RNF17: variants seen among roughly 807,000 people sequenced by gnomAD.
RNF17 encodes the protein ring finger protein 17.
Under a neutral mutation model 200.5 loss-of-function variants are expected in RNF17, and 31 were observed. That is an observed-to-expected ratio of 0.15 (90% CI 0.12 to 0.21). The LOEUF (loss-of-function observed/expected upper bound fraction) is 0.21. Ranked by LOEUF, RNF17 falls within the 10% of genes least tolerant of loss-of-function variation. RNF17 has a pLI of 1.00. For missense variants in RNF17, 1,628 were observed against 1,905.1 expected, an observed-to-expected ratio of 0.85 and a Z score of 2.71; for synonymous variants, 606 against 637.8, an observed-to-expected ratio of 0.95 and a Z score of 0.75.
At chr13:24,757,187 TA>T in the RNF17 span, among the ~76,000 whole-genome samples, 1 of 79,688 alleles carries the variant, frequency 1.3e-5, no homozygotes, top group Admixed American at 1.3e-4. Flanking sequence ...AAAAAGGAAG[TA>T]AAAGAGATAC....
chr13:24,793,213 A>T lies in RNF17; in HGVS notation c.1107A>T (p.Val369=). Residue 369 remains valine (V), a synonymous_variant, in exon 10 of 36, where the codon GTA becomes GTT. Coordinates refer to ENST00000255324, the MANE Select transcript of RNF17 (RefSeq NM_031277.3). ...PPPLQPETND[V]HLEAKNFQPQ... Reference sequence around the variant, plus strand: ...CTTTGCAACCTGAGACAAATGATGTACATTTAGAAGCAAAAAACTTCCAGC... The same window carrying T: ...CTTTGCAACCTGAGACAAATGATGTTCATTTAGAAGCAAAAAACTTCCAGC... 1 of 1,614,126 alleles carries T rather than the reference A, an allele frequency of 6.2e-7. No homozygotes were observed. Among genetic ancestry groups the T allele is most frequent in the Non-Finnish European group, 8.5e-7 (1 of 1,179,970 alleles).
intron 33 of RNF17, among the ~76,000 whole-genome samples, chr13:24,874,931 A>C (rs7323957): frequency 1.3e-5 from 2 of 152,122 alleles, no homozygotes; most frequent in African/African-American, 4.8e-5. Flanking sequence ...CATATAAGTA[A>C]ATTCATACAG....
chr13:24,755,004 TTAG>T, the RNF17 span, among the ~76,000 whole-genome samples: 1 of 152,150 alleles, frequency 6.6e-6, no homozygotes, highest in Non-Finnish European at 1.5e-5. Context: ...TACATATAAT[TTAG>T]TAGTATGCTG....
intron 10 of RNF17, among the ~76,000 whole-genome samples, chr13:24,793,563 A>C (rs1270601005): frequency 2.6e-5 from 4 of 152,168 alleles, no homozygotes; most frequent in African/African-American, 9.7e-5. Flanking sequence ...CTAACCTCTG[A>C]GGTATAAATT....
At chr13:24,770,395 A>C (rs1404817995) in intron 2 of RNF17, among the ~76,000 whole-genome samples, 1 of 152,170 alleles carries the variant, frequency 6.6e-6, no homozygotes, top group African/African-American at 2.4e-5. Context: ...TGCAGTTTTT[A>C]CTTAAAATCT....
chr13:24,832,230 CT>C (rs1453885245), intron 18 of RNF17, among the ~76,000 whole-genome samples: 1 of 152,134 alleles, frequency 6.6e-6, no homozygotes, highest in African/African-American at 2.4e-5. Flanking sequence ...GAATTAGCTT[CT>C]TTTATTTGTT....
chr13:24,759,714 G>A, upstream of RNF17, among the ~76,000 whole-genome samples: 1 of 152,124 alleles, frequency 6.6e-6, no homozygotes, highest in Non-Finnish European at 1.5e-5. Flanking sequence ...AAGAAAAAAA[G>A]GAAGGGAGTG....
chr13:24,864,717 C>G (rs1893446798), intron 28 of RNF17, among the ~76,000 whole-genome samples, 156 bp from the exon 29 acceptor site: 1 of 152,078 alleles, frequency 6.6e-6, no homozygotes. Context: ...TATAGCGCGT[C>G]AAAATACCAG....
rs1318320302 is a variant in RNF17 at position 24,793,066 on chromosome 13, T to C, written c.960T>C (p.Ile320=). 6.3e-7 allele frequency: 1 copy of C among 1,583,380 alleles called. No individual in the cohort carries two copies. Among genetic ancestry groups the C allele is most frequent in the Non-Finnish European group, 8.6e-7 (1 of 1,164,508 alleles). ...STKCYPQENE[I]RQNVQKKYNN... ...GATGTTATCCCCAAGAAAATGAAAT[T>C]AGACAGAATGTTCAAAAGAAATATA... The change falls in exon 10 of 36, where the codon ATT becomes ATC. Residue 320 remains isoleucine, a synonymous_variant. Coordinates refer to ENST00000255324, the MANE Select transcript of RNF17 (RefSeq NM_031277.3).
downstream of RNF17, chr13:24,882,412 A>C (rs1953888297): frequency 6.6e-6 from 1 of 152,036 alleles, no homozygotes; most frequent in Admixed American, 6.6e-5. Context: ...TTATTATATA[A>C]ATTTACAAGT....
chr13:24,857,020 T>C (rs1892587906), intron 25 of RNF17, among the ~76,000 whole-genome samples: 1 of 152,144 alleles, frequency 6.6e-6, no homozygotes, highest in Non-Finnish European at 1.5e-5. Flanking sequence ...TTTGGAAATA[T>C]AGATAGATAT....
chr13:24,796,858 A>G (rs774502609), intron 11 of RNF17, among the ~76,000 whole-genome samples: 3 of 152,080 alleles, frequency 2.0e-5, no homozygotes, highest in Admixed American at 6.6e-5. Context: ...TGAGGAAGCT[A>G]TGATTCATTT....
At chr13:24,884,507 C>A (rs374444363), downstream of RNF17, 31 of 1,601,242 alleles carry the variant, frequency 1.9e-5, no homozygotes, top group Non-Finnish European at 2.5e-5. Context: ...TTTCTCCTGA[C>A]GAAAGTATGG....
At chr13:24,884,243 G>C (rs145882096), downstream of RNF17, 66 of 1,613,992 alleles carry the variant, frequency 4.1e-5, no homozygotes, top group African/African-American at 6.8e-4. Flanking sequence ...CATAGTAGTA[G>C]ATCTGTAAAG....
chr13:24,764,714 A>C (rs1300863955), intron 1 of RNF17, among the ~76,000 whole-genome samples: 2 of 152,182 alleles, frequency 1.3e-5, no homozygotes, highest in African/African-American at 2.4e-5. Flanking sequence ...TTTCTCCTGT[A>C]GTTTTTGTTG....
In RNF17 at chr13:24,796,165, T is replaced by C. The variant is rs1176764567; in HGVS notation, c.1269T>C (p.His423=). ...CTGCAGAGCTAGTTTTTGTAAGCCA[T>C]GTAATAGATCCTTGCCATTTCTACA... ...ESSAELVFVS[H]VIDPCHFYIR... is the part of the protein sequence containing the mutation. The change falls in exon 11 of 36, where the codon CAT becomes CAC. Residue 423 remains histidine, a synonymous_variant. Coordinates refer to ENST00000255324, the MANE Select transcript of RNF17 (RefSeq NM_031277.3). 1.9e-6 allele frequency: 3 copies of C among 1,611,456 alleles called. No individual in the cohort carries two copies. Among genetic ancestry groups the C allele is most frequent in the Admixed American group, 1.7e-5 (1 of 59,738 alleles).
rs753115977 is a variant in RNF17 at position 24,799,385 on chromosome 13, CATT to C, written c.1400-6_1400-4del. On this transcript the variant is annotated splice_polypyrimidine_tract_variant and splice_region_variant and intron_variant, in intron 11 of 35. Transcript: ENST00000255324. Reference sequence around the variant, plus strand: ...AATGTTTATAACGATTTGTTTCCCTCATTATTTAGGTGCAAGAATATTTGTCAG... The same window carrying C: ...AATGTTTATAACGATTTGTTTCCCTCATTTAGGTGCAAGAATATTTGTCAG... 3.8e-6 allele frequency: 6 copies of C among 1,590,920 alleles called. No homozygotes were observed. The highest frequency in any genetic ancestry group is 4.5e-5 in the East Asian group (2 of 44,648).
At chr13:24,881,154 A>AT (rs879442670), downstream of RNF17, among the ~76,000 whole-genome samples, 213 of 143,184 alleles carry the variant, frequency 1.5e-3, no homozygotes, top group South Asian at 0.011. Context: ...ATTTATCAAC[A>AT]TTTTTTTTTT....
At chr13:24,830,849 T>C (rs1889308496) in intron 17 of RNF17, among the ~76,000 whole-genome samples, 1 of 152,218 alleles carries the variant, frequency 6.6e-6, no homozygotes, top group Non-Finnish European at 1.5e-5. Context: ...ATATATCATT[T>C]TGAGATCATA....
Sources: allele counts gnomAD v4.1 joint callset (sites outside exome capture counted in the v4.1 genomes callset), GRCh38; gene constraint gnomAD v4.1.1; transcripts MANE v1.5; gene names NCBI Gene and HGNC (gene_info 2026-07-23, HGNC 2026-07-21).